The following STK3 variants were observed in gnomAD, a reference collection of about 807,000 sequenced individuals.
STK3 encodes serine/threonine kinase 3.
STK3 carries 41 observed loss-of-function variants against 58.0 expected under a neutral mutation model. The observed-to-expected ratio is 0.71, with a 90% confidence interval of 0.55 to 0.92. The LOEUF is 0.92. STK3 is among the 40% of genes least tolerant of loss of function. The pLI is 0.00. For missense variants in STK3, 479 were observed against 602.7 expected (o/e 0.79, Z 2.15); for synonymous variants, 170 against 191.0 (o/e 0.89, Z 0.91).
chr8:98,351,886 G>A, the STK3 span, among the ~76,000 whole-genome samples: 8 of 152,298 alleles, frequency 5.3e-5, 1 homozygote, highest in Admixed American at 5.2e-4. Flanking sequence ...TTGGCTGGGC[G>A]TGGTGCCTCA....
chr8:98,598,813 CAAT>C (rs1816057436), intron 6 of STK3: 1 of 985,242 alleles, frequency 1.0e-6, no homozygotes, highest in African/African-American at 1.7e-5. Context: ...TGTTTCTACA[CAAT>C]GTGTTGCTTA....
chr8:98,576,927 G>A (rs889808584), intron 8 of STK3, among the ~76,000 whole-genome samples: 1 of 152,066 alleles, frequency 6.6e-6, no homozygotes, highest in Non-Finnish European at 1.5e-5. Flanking sequence ...TATTGTCCCC[G>A]TCCTGGCACC....
At chr8:98,651,472 C>A (rs545978867) in intron 6 of STK3, 2 of 152,282 alleles carry the variant, frequency 1.3e-5, no homozygotes, top group African/African-American at 4.8e-5. Context: ...TCACCAGCAA[C>A]GGAACAAAGC....
At chr8:98,658,848 A>C (rs371948305) in intron 6 of STK3, among the ~76,000 whole-genome samples, 252 of 152,238 alleles carry the variant, frequency 1.7e-3, no homozygotes, top group African/African-American at 5.8e-3. Context: ...GAGTTAAAAA[A>C]TGGGTCAAAC....
chr8:98,581,369 G>A (rs778309737), intron 7 of STK3, among the ~76,000 whole-genome samples: 1 of 152,176 alleles, frequency 6.6e-6, no homozygotes, highest in Admixed American at 6.5e-5. Flanking sequence ...CCTGGTAGGA[G>A]TATAAGTCTA....
At chr8:98,352,900 C>T in the STK3 span, among the ~76,000 whole-genome samples, 4 of 152,174 alleles carry the variant, frequency 2.6e-5, no homozygotes, top group African/African-American at 9.6e-5. Flanking sequence ...TACTGTGCTG[C>T]TTAGTTACCC....
At chr8:98,444,820 T>A (rs1033550702) in intron 1 of STK3, among the ~76,000 whole-genome samples, 5 of 152,114 alleles carry the variant, frequency 3.3e-5, no homozygotes, top group African/African-American at 9.7e-5. Context: ...CTAAACTGAG[T>A]TTGAGCCACC....
chr8:98,508,233 A>G (rs922810913), intron 10 of STK3, among the ~76,000 whole-genome samples: 3 of 152,160 alleles, frequency 2.0e-5, no homozygotes, highest in Non-Finnish European at 4.4e-5. Context: ...TCAGACTTCA[A>G]GTTTTTATCT....
At chr8:98,416,341 A>G (rs918841597) in intron 3 of STK3, among the ~76,000 whole-genome samples, 2 of 148,794 alleles carry the variant, frequency 1.3e-5, no homozygotes, top group African/African-American at 4.9e-5. Context: ...ATTTTTCTCA[A>G]AAATAATCTT....
chr8:98,671,864 A>G (rs2130846082), intron 6 of STK3, among the ~76,000 whole-genome samples: 1 of 152,290 alleles, frequency 6.6e-6, no homozygotes, highest in East Asian at 1.9e-4. Flanking sequence ...AGGTGGAGAT[A>G]ACTGAATCAC....
At chr8:98,585,932 T>C (rs1212029811) in intron 7 of STK3, among the ~76,000 whole-genome samples, 2 of 152,070 alleles carry the variant, frequency 1.3e-5, no homozygotes, top group South Asian at 2.1e-4. Context: ...CTTGTGATTT[T>C]TGCACATTGA....
At chr8:98,547,890 A>T in intron 9 of STK3, 79 bp downstream of exon 9, 1 of 1,270,352 alleles carries the variant, frequency 7.9e-7, no homozygotes, top group Non-Finnish European at 1.0e-6. Context: ...TATAAAAAGT[A>T]ACACAGAACT....
At chr8:98,721,223 A>G in intron 4 of STK3, 1 of 614,626 alleles carries the variant, frequency 1.6e-6, no homozygotes, top group Non-Finnish European at 2.0e-6. Flanking sequence ...AAGAAAACCA[A>G]AGTAAGTTTC....
At chr8:98,429,085 C>T in intron 3 of STK3, 1 of 1,613,334 alleles carries the variant, frequency 6.2e-7, no homozygotes, top group Non-Finnish European at 8.5e-7. Context: ...TGGTGGGCTA[C>T]CGTCAGTATG....
At chr8:98,900,542 T>C (rs1018153234) in intron 1 of STK3, among the ~76,000 whole-genome samples, 1 of 152,228 alleles carries the variant, frequency 6.6e-6, no homozygotes, top group South Asian at 2.1e-4. Flanking sequence ...TGTATATATT[T>C]ACAGTATACA....
chr8:98,660,759 C>T (rs1436247245), intron 6 of STK3, among the ~76,000 whole-genome samples: 4 of 152,118 alleles, frequency 2.6e-5, no homozygotes, highest in Non-Finnish European at 4.4e-5. Flanking sequence ...CAACATACAA[C>T]TTTCCATCCA....
chr8:98,903,560 T>C (rs866761129), intron 1 of STK3, among the ~76,000 whole-genome samples: 5,358 of 121,780 alleles, frequency 0.044, 477 homozygotes, highest in South Asian at 0.083. Flanking sequence ...CTTCTTCCTT[T>C]TTTTTTTTTT....
intron 3 of STK3, among the ~76,000 whole-genome samples, chr8:98,403,192 C>G (rs1007753454): frequency 5.3e-5 from 8 of 152,212 alleles, no homozygotes; most frequent in African/African-American, 1.9e-4. Flanking sequence ...CTCAGACACT[C>G]CCAGCTCAGG....
intron 1 of STK3, among the ~76,000 whole-genome samples, chr8:98,926,389 T>C (rs1839796599): frequency 6.6e-6 from 1 of 152,204 alleles, no homozygotes; most frequent in Non-Finnish European, 1.5e-5. Context: ...CAGAACTAGT[T>C]GTCTATTAAT....
Sources: gnomAD v4.1 joint callset for allele counts (sites outside exome capture counted in the v4.1 genomes callset) on GRCh38, gnomAD v4.1.1 for gene constraint, MANE v1.5 for transcripts, NCBI Gene and HGNC (gene_info 2026-07-23, HGNC 2026-07-21) for gene names.